TEX48: variants seen among roughly 807,000 people sequenced by gnomAD.
TEX48 encodes testis-expressed protein 48.
In TEX48, 10 loss-of-function variants were observed where a neutral mutation model predicts 13.2. The observed-to-expected ratio is 0.75, with a 90% CI of 0.47 to 1.28. TEX48 has a LOEUF of 1.28. Among genes scored for constraint, TEX48 ranks in the 50% most tolerant of loss-of-function variants. TEX48 has a pLI of 0.00. For synonymous variants in TEX48, 45 were observed against 52.3 expected (o/e 0.86, Z 0.60); for missense variants, 116 against 139.4 (o/e 0.83, Z 0.84).
At chr9:114,671,253 C>T (rs1827940355) in intron 3 of TEX48, 130 bp downstream of exon 3, 1 of 1,103,166 alleles carries the variant, frequency 9.1e-7, no homozygotes, top group Non-Finnish European at 1.3e-6. Context: ...ATCCAACACC[C>T]ACCTCATTTT....
At chr9:114,669,214 T>C (rs1827898677) in intron 3 of TEX48, among the ~76,000 whole-genome samples, 1 of 152,226 alleles carries the variant, frequency 6.6e-6, no homozygotes, top group Non-Finnish European at 1.5e-5. Flanking sequence ...AAAATGGTTG[T>C]ACAGTATTCT....
At position 114,668,204 on chromosome 9, in the gene TEX48, A is replaced by G; in HGVS notation, c.259+2T>C. ...GTGTTAGGACCCCAATTTGGGACTCACCCTCAAACTCACTGCTGCTGGAGG... is the reference window on the plus strand; with the variant it reads ...GTGTTAGGACCCCAATTTGGGACTCGCCCTCAAACTCACTGCTGCTGGAGG... On this transcript the variant is annotated splice_donor_variant, in intron 4 of 4. Coordinates refer to ENST00000436752, the MANE Select transcript of TEX48 (RefSeq NM_001199233.2). LOFTEE classifies it high-confidence loss of function. The G allele has an allele frequency of 6.5e-7, 1 of 1,535,572 alleles. No individual in the cohort carries two copies. The highest frequency in any genetic ancestry group is 1.4e-5 in the African/African-American group (1 of 73,144).
At chr9:114,673,254 C>T (rs1260525835) in intron 1 of TEX48, among the ~76,000 whole-genome samples, 1 of 152,050 alleles carries the variant, frequency 6.6e-6, no homozygotes, top group East Asian at 1.9e-4. Context: ...TGGCAGATCA[C>T]CTGAGGTCAG....
chr9:114,672,666 T>G (rs1187471662), intron 1 of TEX48, among the ~76,000 whole-genome samples: 1 of 152,206 alleles, frequency 6.6e-6, no homozygotes, highest in Admixed American at 6.5e-5. Flanking sequence ...ACTGGTCTCC[T>G]TATTTCTCTT....
At chr9:114,676,570 A>T (rs1162162202) in intron 1 of TEX48, among the ~76,000 whole-genome samples, 1 of 151,896 alleles carries the variant, frequency 6.6e-6, no homozygotes, top group Admixed American at 6.6e-5. Flanking sequence ...GCAGTGAACA[A>T]GACACAGGAT....
chr9:114,677,458 G>C (rs542698115), intron 1 of TEX48, among the ~76,000 whole-genome samples: 1 of 152,224 alleles, frequency 6.6e-6, no homozygotes, highest in South Asian at 2.1e-4. Flanking sequence ...CCATTAATCT[G>C]CTTCGTATTC....
At chr9:114,674,098 G>A (rs928027775) in intron 1 of TEX48, among the ~76,000 whole-genome samples, 1 of 152,116 alleles carries the variant, frequency 6.6e-6, no homozygotes, top group Non-Finnish European at 1.5e-5. Flanking sequence ...GAGTCACCGC[G>A]CCTGGCCAGA....
intron 1 of TEX48, among the ~76,000 whole-genome samples, chr9:114,677,781 T>C (rs1164845935): frequency 6.6e-6 from 1 of 152,100 alleles, no homozygotes; most frequent in Non-Finnish European, 1.5e-5. Flanking sequence ...TTTTAGCTTA[T>C]ATTCGGGAGT....
intron 1 of TEX48, among the ~76,000 whole-genome samples, chr9:114,675,636 C>T (rs755516013): frequency 1.3e-5 from 2 of 152,218 alleles, no homozygotes; most frequent in Non-Finnish European, 2.9e-5. Context: ...TTGTTTGCCT[C>T]CACCTAAAGC....
At chr9:114,681,150 GT>G (rs1828192084) in intron 1 of TEX48, among the ~76,000 whole-genome samples, 1 of 152,026 alleles carries the variant, frequency 6.6e-6, no homozygotes, top group South Asian at 2.1e-4. Flanking sequence ...TATACACCAC[GT>G]TTTGCACCTT....
chr9:114,674,442 C>T (rs1184683384), intron 1 of TEX48, among the ~76,000 whole-genome samples: 1 of 149,570 alleles, frequency 6.7e-6, no homozygotes, highest in African/African-American at 2.5e-5. Flanking sequence ...GAGACTTTCT[C>T]TGTTGTATTT....
intron 4 of TEX48, 145 bp downstream of exon 4, chr9:114,668,061 C>T: frequency 2.9e-6 from 3 of 1,051,042 alleles, no homozygotes; most frequent in Non-Finnish European, 2.7e-6. Context: ...CCAGTGTGCT[C>T]TGGAATATGA....
chr9:114,669,059 T>A (rs1198391741), intron 3 of TEX48, among the ~76,000 whole-genome samples: 1 of 152,124 alleles, frequency 6.6e-6, no homozygotes, highest in Non-Finnish European at 1.5e-5. Flanking sequence ...CAGGCTGGTC[T>A]TGAACTCCTG....
chr9:114,678,369 C>A (rs1400971649), intron 1 of TEX48, among the ~76,000 whole-genome samples: 5 of 152,190 alleles, frequency 3.3e-5, no homozygotes, highest in Non-Finnish European at 5.9e-5. Flanking sequence ...CCTAAAACTT[C>A]TGCACTGAAG....
intron 1 of TEX48, among the ~76,000 whole-genome samples, chr9:114,681,167 T>A (rs1478938146): frequency 6.6e-6 from 1 of 152,234 alleles, no homozygotes; most frequent in Non-Finnish European, 1.5e-5. Flanking sequence ...ACCTTGATTT[T>A]TTTCAATTAA....
intron 1 of TEX48, among the ~76,000 whole-genome samples, chr9:114,673,151 A>G (rs1241370144): frequency 6.6e-6 from 1 of 152,098 alleles, no homozygotes; most frequent in Non-Finnish European, 1.5e-5. Flanking sequence ...CAACATAAGT[A>G]TTCAGTGAGC....
Position 114,668,207 on chromosome 9 carries a change from C to G in TEX48, c.258G>C (p.Glu86Asp). The G allele has an allele frequency of 6.5e-7, 1 of 1,535,648 alleles. No individual in the cohort carries two copies. The highest frequency in any genetic ancestry group is 8.7e-7 in the Non-Finnish European group (1 of 1,146,868). Residue 86 changes from glutamate to aspartate, a missense_variant and splice_region_variant, in exon 4 of 5, where the codon GAG becomes GAC. Physicochemically the swap from Glu to Asp is conservative, Grantham distance 45 (BLOSUM62 2). Coordinates refer to ENST00000436752, the MANE Select transcript of TEX48 (RefSeq NM_001199233.2). ...KSTSSSSSEFEDLNAYASQRN... is the reference protein window; with the variant it reads ...KSTSSSSSEFDDLNAYASQRN... ...TTAGGACCCCAATTTGGGACTCACCCTCAAACTCACTGCTGCTGGAGGAAG... is the reference window on the plus strand; with the variant it reads ...TTAGGACCCCAATTTGGGACTCACCGTCAAACTCACTGCTGCTGGAGGAAG...
chr9:114,670,649 T>C (rs967742641), intron 3 of TEX48, among the ~76,000 whole-genome samples: 1 of 152,132 alleles, frequency 6.6e-6, no homozygotes, highest in African/African-American at 2.4e-5. Context: ...CTAGGAAGTC[T>C]CATATTCCAG....
chr9:114,680,010 G>C (rs13298678), intron 1 of TEX48, among the ~76,000 whole-genome samples: 5 of 151,232 alleles, frequency 3.3e-5, no homozygotes. Context: ...TAAGCCCAAA[G>C]AAAAAGCAGC....
Sources: gnomAD v4.1 joint callset for allele counts (sites outside exome capture counted in the v4.1 genomes callset) on GRCh38, gnomAD v4.1.1 for gene constraint, MANE v1.5 for transcripts, NCBI Gene and HGNC (gene_info 2026-07-23, HGNC 2026-07-21) for gene names.